The following HS6ST3 variants were observed in gnomAD, a reference collection of about 807,000 sequenced individuals.
HS6ST3 encodes the protein heparan-sulfate 6-O-sulfotransferase 3.
A neutral mutation model predicts 36.7 loss-of-function variants in HS6ST3; 12 were observed. The observed-to-expected ratio is 0.33, with a 90% confidence interval of 0.21 to 0.53. The LOEUF is 0.53. Among genes scored for constraint, HS6ST3 ranks in the 20% least tolerant of loss-of-function variants. The pLI is 0.95. For missense variants in HS6ST3, 584 were observed against 640.9 expected (o/e 0.91, Z 0.96); for synonymous variants, 240 against 257.5 (o/e 0.93, Z 0.65).
At chr13:96,383,242 A>G (rs1215179509) in intron 1 of HS6ST3, among the ~76,000 whole-genome samples, 4 of 152,150 alleles carry the variant, frequency 2.6e-5, no homozygotes, top group Non-Finnish European at 5.9e-5. Flanking sequence ...GCTTGAGCTC[A>G]GGAGTTCGAG....
intron 1 of HS6ST3, among the ~76,000 whole-genome samples, chr13:96,679,075 A>C (rs2056709196): frequency 6.7e-6 from 1 of 149,910 alleles, no homozygotes; most frequent in Non-Finnish European, 1.5e-5. Flanking sequence ...AACCAAGGGA[A>C]TTCGTGCCTG....
At chr13:96,574,297 C>T in intron 1 of HS6ST3, 2 of 383,464 alleles carry the variant, frequency 5.2e-6, no homozygotes, top group Admixed American at 3.6e-5. Context: ...AAAAAGGCAT[C>T]AAACGTACCG....
chr13:96,186,806 T>C (rs1013788055), intron 1 of HS6ST3, among the ~76,000 whole-genome samples: 5 of 152,334 alleles, frequency 3.3e-5, no homozygotes, highest in African/African-American at 1.2e-4. Context: ...GTGTGAGTAC[T>C]CATAACTCTC....
At chr13:96,409,838 T>C (rs916441563) in intron 1 of HS6ST3, among the ~76,000 whole-genome samples, 9 of 152,026 alleles carry the variant, frequency 5.9e-5, no homozygotes, top group Non-Finnish European at 1.3e-4. Flanking sequence ...CCTAAAAAGA[T>C]CTGTTACACC....
At chr13:96,293,920 C>T (rs1039169363) in intron 1 of HS6ST3, among the ~76,000 whole-genome samples, 6 of 152,036 alleles carry the variant, frequency 3.9e-5, no homozygotes, top group African/African-American at 1.4e-4. Flanking sequence ...CTTTTCTTAC[C>T]TTGGCATTTT....
chr13:96,263,018 T>C (rs2054674082), intron 1 of HS6ST3, among the ~76,000 whole-genome samples: 1 of 152,198 alleles, frequency 6.6e-6, no homozygotes, highest in South Asian at 2.1e-4. Flanking sequence ...AAACCACGTA[T>C]ATTGAAGTAT....
At chr13:96,400,308 TACACACAC>T (rs10603063) in intron 1 of HS6ST3, among the ~76,000 whole-genome samples, 59 of 142,570 alleles carry the variant, frequency 4.1e-4, no homozygotes, top group Admixed American at 1.6e-3. Flanking sequence ...GACACACAGA[TACACACAC>T]ACACACACAC....
intron 1 of HS6ST3, among the ~76,000 whole-genome samples, chr13:96,376,710 A>T (rs2055316703): frequency 6.6e-6 from 1 of 152,176 alleles, no homozygotes; most frequent in Non-Finnish European, 1.5e-5. Flanking sequence ...GCTAATCTCA[A>T]GAATTATTGT....
chr13:96,791,895 GTTA>G (rs1160789796), intron 1 of HS6ST3, among the ~76,000 whole-genome samples: 1 of 151,948 alleles, frequency 6.6e-6, no homozygotes, highest in East Asian at 1.9e-4. Flanking sequence ...AACTAATATG[GTTA>G]TTATTTACTG....
At chr13:96,200,444 C>A (rs987852361) in intron 1 of HS6ST3, among the ~76,000 whole-genome samples, 6 of 152,150 alleles carry the variant, frequency 3.9e-5, no homozygotes. Flanking sequence ...AGGTATTTTA[C>A]ATGGTTAATT....
intron 1 of HS6ST3, among the ~76,000 whole-genome samples, chr13:96,273,951 T>TC (rs2054734387): frequency 1.2e-5 from 1 of 83,724 alleles, no homozygotes; most frequent in Non-Finnish European, 2.3e-5. Flanking sequence ...CTCCCTCCCT[T>TC]CCTTCCTTCC....
At chr13:96,189,766 T>TG (rs915885004) in intron 1 of HS6ST3, among the ~76,000 whole-genome samples, 2 of 152,218 alleles carry the variant, frequency 1.3e-5, no homozygotes, top group African/African-American at 4.8e-5. Flanking sequence ...GAGCCACTCC[T>TG]GTCTGGGACC....
intron 1 of HS6ST3, among the ~76,000 whole-genome samples, chr13:96,362,735 G>A (rs920179778): frequency 6.6e-6 from 1 of 152,206 alleles, no homozygotes; most frequent in African/African-American, 2.4e-5. Flanking sequence ...CCCAAACCTG[G>A]ACACAAACCA....
chr13:96,441,408 C>A (rs903221649), intron 1 of HS6ST3, among the ~76,000 whole-genome samples: 2 of 152,108 alleles, frequency 1.3e-5, no homozygotes, highest in Middle Eastern at 3.4e-3. Context: ...ACAATGACGG[C>A]TCCTCACTGG....
At chr13:96,284,403 C>T (rs539663096) in intron 1 of HS6ST3, among the ~76,000 whole-genome samples, 1 of 152,212 alleles carries the variant, frequency 6.6e-6, no homozygotes, top group Admixed American at 6.5e-5. Flanking sequence ...TCCAAGAGTC[C>T]CAAAGCTGAA....
chr13:96,403,468 T>A (rs1356246346), intron 1 of HS6ST3, among the ~76,000 whole-genome samples: 1 of 152,200 alleles, frequency 6.6e-6, no homozygotes, highest in African/African-American at 2.4e-5. Context: ...TGATCATCAT[T>A]TGCAGATGCT....
intron 1 of HS6ST3, among the ~76,000 whole-genome samples, chr13:96,330,304 T>G (rs1159088544): frequency 6.6e-6 from 1 of 152,070 alleles, no homozygotes; most frequent in Non-Finnish European, 1.5e-5. Flanking sequence ...TTGGCATGAG[T>G]TTGCAGCGGC....
chr13:96,316,205 T>G (rs2054968475), intron 1 of HS6ST3, among the ~76,000 whole-genome samples: 1 of 152,106 alleles, frequency 6.6e-6, no homozygotes, highest in Non-Finnish European at 1.5e-5. Flanking sequence ...TGCATATGCA[T>G]GTATATGTAT....
chr13:96,542,865 G>A (rs1183357277), intron 1 of HS6ST3, among the ~76,000 whole-genome samples: 2 of 152,084 alleles, frequency 1.3e-5, no homozygotes, highest in Non-Finnish European at 2.9e-5. Context: ...ACCTATCTTT[G>A]TAGCCAAATG....
Sources: allele counts gnomAD v4.1 joint callset (sites outside exome capture counted in the v4.1 genomes callset), GRCh38; gene constraint gnomAD v4.1.1; transcripts MANE v1.5; gene names NCBI Gene and HGNC (gene_info 2026-07-23, HGNC 2026-07-21).